The following INSYN2B variants were observed in gnomAD, a reference collection of about 807,000 sequenced individuals.
The protein encoded by INSYN2B is protein INSYN2B.
INSYN2B carries 16 observed loss-of-function variants against 41.2 expected under a neutral mutation model. That is an observed-to-expected ratio of 0.39 (90% CI 0.26 to 0.59). INSYN2B has a LOEUF of 0.59. Ranked by LOEUF, INSYN2B falls within the 20% of genes least tolerant of loss-of-function variation. The pLI is 0.57. For synonymous variants in INSYN2B, 245 were observed against 244.4 expected (o/e 1.00, Z -0.02); for missense variants, 608 against 646.4 (o/e 0.94, Z 0.64).
At chr5:169,898,677 A>T (rs575672744) in intron 1 of INSYN2B, among the ~76,000 whole-genome samples, 1 of 152,348 alleles carries the variant, frequency 6.6e-6, no homozygotes, top group Admixed American at 6.5e-5. Flanking sequence ...AGGGTTAGAC[A>T]GTAAATATTT....
intron 3 of INSYN2B, among the ~76,000 whole-genome samples, chr5:169,866,677 C>A (rs1235027860): frequency 6.6e-6 from 1 of 152,184 alleles, no homozygotes; most frequent in Non-Finnish European, 1.5e-5. Context: ...GACCTTCTAG[C>A]CAAAGCCCAG....
At chr5:169,907,884 C>CA (rs1308746234) in intron 1 of INSYN2B, among the ~76,000 whole-genome samples, 1 of 152,168 alleles carries the variant, frequency 6.6e-6, no homozygotes, top group African/African-American at 2.4e-5. Flanking sequence ...AAACATCCTA[C>CA]AACACACAGG....
intron 3 of INSYN2B, among the ~76,000 whole-genome samples, chr5:169,870,413 CA>C (rs1477189164): frequency 1.3e-5 from 2 of 152,048 alleles, no homozygotes; most frequent in East Asian, 3.9e-4. Flanking sequence ...AGCTCATGAG[CA>C]AACAACAGAG....
chr5:169,877,047 G>C (rs1041768747), intron 3 of INSYN2B, among the ~76,000 whole-genome samples: 3 of 152,218 alleles, frequency 2.0e-5, no homozygotes, highest in African/African-American at 7.2e-5. Flanking sequence ...TCCTTCTGGG[G>C]AAGGATTGGA....
rs1339520890 is a variant in INSYN2B at position 169,862,352 on chromosome 5, T to G, written c.*1921A>C. Among the ~76,000 whole-genome samples, 2 of 152,230 alleles carry G rather than the reference T, an allele frequency of 1.3e-5. No homozygotes were observed. Among genetic ancestry groups the G allele is most frequent in the African/African-American group, 2.4e-5 (1 of 41,462 alleles). On this transcript the variant is annotated 3_prime_UTR_variant, in exon 4 of 4. Transcript: ENST00000377365. ...TGATGCCCGAGAATATAAATTCACA[T>G]GAAATTAGCGTAAGCAAAGCAAATT...
Position 169,884,104 on chromosome 5 carries a change from T to C in INSYN2B, c.-206A>G. ...TAGGAACTATCTGTAATGCTTTCCC[T>C]GCAGTTAAAATATTAATTCATTGTA... On this transcript the variant is annotated 5_prime_UTR_variant, in exon 2 of 4. Coordinates refer to ENST00000377365, the MANE Select transcript of INSYN2B (RefSeq NM_001129891.3). The C allele has an allele frequency of 2.4e-6, 1 of 416,366 alleles. No homozygotes were observed. Among genetic ancestry groups the C allele is most frequent in the Non-Finnish European group, 4.2e-6 (1 of 237,096 alleles). 25.8% of individuals were successfully genotyped at this position (416,366 alleles called of 1,614,324 possible).
At chr5:169,942,399 G>A (rs1355652022) in intron 1 of INSYN2B, among the ~76,000 whole-genome samples, 1 of 152,168 alleles carries the variant, frequency 6.6e-6, no homozygotes, top group Non-Finnish European at 1.5e-5. Context: ...ACAAGTTTGT[G>A]GAGCTGACAC....
At chr5:169,914,029 C>A (rs186967048) in intron 1 of INSYN2B, among the ~76,000 whole-genome samples, 1 of 152,118 alleles carries the variant, frequency 6.6e-6, no homozygotes, top group African/African-American at 2.4e-5. Context: ...GATGGACACC[C>A]AAAGATGTTT....
chr5:169,971,010 C>A (rs1184316363), intron 1 of INSYN2B, among the ~76,000 whole-genome samples: 1 of 152,046 alleles, frequency 6.6e-6, no homozygotes, highest in Admixed American at 6.5e-5. Flanking sequence ...GGAGGACCTG[C>A]GTTCATGCCA....
chr5:169,882,317 TA>T (rs1772702431), intron 2 of INSYN2B, among the ~76,000 whole-genome samples: 1 of 152,168 alleles, frequency 6.6e-6, no homozygotes, highest in Non-Finnish European at 1.5e-5. Flanking sequence ...CCCATTCTGT[TA>T]ACACCTGAAA....
chr5:169,868,701 T>G (rs1371493169), intron 3 of INSYN2B, among the ~76,000 whole-genome samples: 1 of 152,148 alleles, frequency 6.6e-6, no homozygotes, highest in Non-Finnish European at 1.5e-5. Flanking sequence ...GTGGCTGCAA[T>G]TAGCTATGAG....
At chr5:169,887,126 C>A (rs6893156) in intron 1 of INSYN2B, among the ~76,000 whole-genome samples, 1 of 152,136 alleles carries the variant, frequency 6.6e-6, no homozygotes, top group Non-Finnish European at 1.5e-5. Flanking sequence ...GGCCTTCCTG[C>A]CTTCTTCAGG....
chr5:169,966,337 C>G (rs768053046), intron 1 of INSYN2B, among the ~76,000 whole-genome samples: 22 of 152,096 alleles, frequency 1.4e-4, no homozygotes, highest in Non-Finnish European at 2.8e-4. Flanking sequence ...TTTAAAAGCC[C>G]CAAATCTTAG....
chr5:169,889,763 G>A (rs1416811433), intron 1 of INSYN2B, among the ~76,000 whole-genome samples: 1 of 152,216 alleles, frequency 6.6e-6, no homozygotes, highest in African/African-American at 2.4e-5. Context: ...GGCTCTGGTT[G>A]TGTTCCAATA....
At chr5:169,870,380 T>G (rs941871104) in intron 3 of INSYN2B, among the ~76,000 whole-genome samples, 1 of 151,904 alleles carries the variant, frequency 6.6e-6, no homozygotes, top group South Asian at 2.1e-4. Context: ...AAACAGTGAG[T>G]AACAAATAGC....
At chr5:169,978,152 A>G (rs1777783615) in intron 1 of INSYN2B, among the ~76,000 whole-genome samples, 1 of 152,236 alleles carries the variant, frequency 6.6e-6, no homozygotes, top group African/African-American at 2.4e-5. Flanking sequence ...ACCAGCTGGT[A>G]TCACATAGTA....
At chr5:169,940,822 G>A (rs1048783278) in intron 1 of INSYN2B, among the ~76,000 whole-genome samples, 2 of 152,216 alleles carry the variant, frequency 1.3e-5, no homozygotes, top group African/African-American at 2.4e-5. Flanking sequence ...TGTGCAGCTC[G>A]GTTCCTACCT....
At chr5:169,942,549 T>C (rs1437754852) in intron 1 of INSYN2B, among the ~76,000 whole-genome samples, 1 of 152,192 alleles carries the variant, frequency 6.6e-6, no homozygotes, top group Admixed American at 6.5e-5. Context: ...TTACAGAAAA[T>C]TGTAATTTTC....
At position 169,862,596 on chromosome 5, in the gene INSYN2B, T is replaced by C. The variant is rs188460335; in HGVS notation, c.*1677A>G. ...ATGACAAGTGTATTTATCTTAATTC[T>C]AACATGACGTTATATATTCCGGTCT... On this transcript the variant is annotated 3_prime_UTR_variant, in exon 4 of 4. Transcript: ENST00000377365. 0.01 allele frequency among the ~76,000 whole-genome samples: 1,570 copies of C among 152,376 alleles called. 7 individuals carry two copies. Among genetic ancestry groups the C allele is most frequent in the Non-Finnish European group, 0.015 (1,035 of 68,034 alleles).
Sources: allele counts gnomAD v4.1 joint callset (sites outside exome capture counted in the v4.1 genomes callset), GRCh38; gene constraint gnomAD v4.1.1; transcripts MANE v1.5; gene names NCBI Gene and HGNC (gene_info 2026-07-23, HGNC 2026-07-21).